CYSTM1: variants seen among roughly 807,000 people sequenced by gnomAD.
CYSTM1 encodes the protein cysteine rich transmembrane module containing 1, also known as cysteine-rich transmembrane module-containing protein 1.
CYSTM1 carries 4 observed loss-of-function variants against 13.1 expected under a neutral mutation model. The ratio of observed to expected loss-of-function variants is 0.31; its 90% CI spans 0.15 to 0.70. The LOEUF is 0.70. CYSTM1 is among the 30% of genes least tolerant of loss of function. The pLI is 0.72. For missense variants in CYSTM1, 96 were observed against 121.6 expected (o/e 0.79, Z 0.99); for synonymous variants, 36 against 42.7 (o/e 0.84, Z 0.62).
intron 2 of CYSTM1, among the ~76,000 whole-genome samples, chr5:140,222,198 G>GGGAATAC (rs1764499733): frequency 6.6e-6 from 1 of 152,224 alleles, no homozygotes; most frequent in Non-Finnish European, 1.5e-5. Flanking sequence ...TCCCCTCATG[G>GGGAATAC]CAGCTTTGTG....
chr5:140,187,483 G>A (rs1002104904), intron 1 of CYSTM1, among the ~76,000 whole-genome samples: 2 of 152,002 alleles, frequency 1.3e-5, no homozygotes, highest in African/African-American at 4.8e-5. Context: ...TCCCACCTCA[G>A]TCTCCCCCAG....
chr5:140,227,117 A>C (rs1050285724), intron 2 of CYSTM1, among the ~76,000 whole-genome samples: 3 of 152,208 alleles, frequency 2.0e-5, no homozygotes, highest in Admixed American at 2.0e-4. Context: ...AAGGCTGTGC[A>C]TAGGCAGAGA....
intron 2 of CYSTM1, among the ~76,000 whole-genome samples, chr5:140,223,699 CTTT>C (rs201410083): frequency 0.011 from 1,744 of 152,360 alleles, 45 homozygotes; most frequent in African/African-American, 0.039. Context: ...AGTAACCCAG[CTTT>C]CAGCTGGGTC....
chr5:140,178,158 G>T (rs975212918), intron 1 of CYSTM1, among the ~76,000 whole-genome samples: 1 of 152,282 alleles, frequency 6.6e-6, no homozygotes, highest in East Asian at 1.9e-4. Flanking sequence ...GAAAGGCAGG[G>T]CTGGGGTATG....
chr5:140,239,445 C>T lies in CYSTM1; in HGVS notation c.188-3860C>T, dbSNP rs1764722086. On this transcript the variant is annotated intron_variant, in intron 2 of 2. Transcript: ENST00000261811. The surrounding 1 kb of genome is among the most constrained non-coding windows in gnomAD (Gnocchi z 5.4). ...ACTACTGGTTGGTGTGTCTGGTGGCCAAAGTGGCAGTGGGCACTGGTGGCC... is the reference window on the plus strand; with the variant it reads ...ACTACTGGTTGGTGTGTCTGGTGGCTAAAGTGGCAGTGGGCACTGGTGGCC... Among the ~76,000 whole-genome samples the T allele has an allele frequency of 6.6e-6, 1 of 152,156 alleles. No individual in the cohort carries two copies. Among genetic ancestry groups the T allele is most frequent in the African/African-American group, 2.4e-5 (1 of 41,432 alleles).
At chr5:140,194,043 G>A (rs1764123360) in intron 1 of CYSTM1, among the ~76,000 whole-genome samples, 1 of 152,204 alleles carries the variant, frequency 6.6e-6, no homozygotes, top group Non-Finnish European at 1.5e-5. Context: ...TCATAGTGCT[G>A]TTAGAACACT....
intron 1 of CYSTM1, among the ~76,000 whole-genome samples, chr5:140,182,816 G>T (rs2126652891): frequency 6.6e-6 from 1 of 152,194 alleles, no homozygotes; most frequent in South Asian, 2.1e-4. Flanking sequence ...AAGGGGGAGG[G>T]TGAGCTGCCC....
At chr5:140,185,855 C>T (rs895689133) in intron 1 of CYSTM1, among the ~76,000 whole-genome samples, 2 of 152,198 alleles carry the variant, frequency 1.3e-5, no homozygotes, top group Non-Finnish European at 2.9e-5. Context: ...CTTACCTCTG[C>T]TCACTGTACA....
At position 140,185,660 on chromosome 5, in the gene CYSTM1, G is replaced by T. The variant is rs141931725; in HGVS notation, c.-20-8786G>T. Among the ~76,000 whole-genome samples the T allele has an allele frequency of 9.2e-3, 1,409 of 152,334 alleles. 25 individuals are homozygous for T. The highest frequency in any genetic ancestry group is 0.033 in the African/African-American group (1,353 of 41,554). On this transcript the variant is annotated intron_variant, in intron 1 of 2. Transcript: ENST00000261811. Reference sequence around the variant, plus strand: ...TGACTATCAGAGGTCTCCTGGTGTTGCACTGTTACTGGGAGCACTGCTACC... The same window carrying T: ...TGACTATCAGAGGTCTCCTGGTGTTTCACTGTTACTGGGAGCACTGCTACC...
At chr5:140,209,932 G>A (rs1764343277) in intron 2 of CYSTM1, among the ~76,000 whole-genome samples, 1 of 152,118 alleles carries the variant, frequency 6.6e-6, no homozygotes, top group Admixed American at 6.5e-5. Context: ...TTATGTAGCA[G>A]GGGGTTGGAG....
Position 140,182,145 on chromosome 5 carries a change from T to G in CYSTM1, c.-21+6860T>G, listed in dbSNP as rs375583970. On this transcript the variant is annotated intron_variant, in intron 1 of 2. Coordinates refer to ENST00000261811, the MANE Select transcript of CYSTM1 (RefSeq NM_032412.4). Reference sequence around the variant, plus strand: ...TTAAACTGATAACTACTACATCACCTGTCACAAATAGAAGGTATAAATTAT... The same window carrying G: ...TTAAACTGATAACTACTACATCACCGGTCACAAATAGAAGGTATAAATTAT... 7.9e-4 allele frequency among the ~76,000 whole-genome samples: 121 copies of G among 152,350 alleles called. No individual in the cohort carries two copies. The South Asian group carries it at 0.02, about 25-fold the overall frequency.
rs750955813 is a variant in CYSTM1 at position 140,175,874 on chromosome 5, G to A, written c.-21+589G>A. Among the ~76,000 whole-genome samples the A allele has an allele frequency of 5.2e-4, 79 of 152,298 alleles. No individual in the cohort carries two copies. Among genetic ancestry groups the A allele is most frequent in the Non-Finnish European group, 2.1e-4 (14 of 68,012 alleles). On this transcript the variant is annotated intron_variant, in intron 1 of 2. Coordinates refer to ENST00000261811, the MANE Select transcript of CYSTM1 (RefSeq NM_032412.4). This position sits in a 1 kb window ranked among gnomAD's most constrained non-coding sequence, Gnocchi z 4.9. ...AATCCCGGCTGCTGTTGAGAGCCGTGGATTGGGATCTGAGCGGACCTGTTG... is the reference window on the plus strand; with the variant it reads ...AATCCCGGCTGCTGTTGAGAGCCGTAGATTGGGATCTGAGCGGACCTGTTG...
intron 2 of CYSTM1, among the ~76,000 whole-genome samples, chr5:140,213,043 A>AT (rs796704010): frequency 0.011 from 1,461 of 130,544 alleles, 13 homozygotes; most frequent in Non-Finnish European, 0.018. Context: ...GAGAACTCCT[A>AT]TTTTTTTTTT....
At chr5:140,235,468 C>T (rs918473724) in intron 2 of CYSTM1, among the ~76,000 whole-genome samples, 6 of 148,896 alleles carry the variant, frequency 4.0e-5, no homozygotes, top group Non-Finnish European at 7.4e-5. Context: ...TGCAGTGGTG[C>T]GATCTTGGCT....
intron 2 of CYSTM1, among the ~76,000 whole-genome samples, chr5:140,216,887 G>C (rs184651103): frequency 3.6e-4 from 55 of 150,796 alleles, no homozygotes; most frequent in African/African-American, 1.3e-3. Flanking sequence ...CTCCCTCTAT[G>C]ACACACACAC....
chr5:140,188,314 C>T (rs1764046840), intron 1 of CYSTM1, among the ~76,000 whole-genome samples: 1 of 152,028 alleles, frequency 6.6e-6, no homozygotes, highest in Non-Finnish European at 1.5e-5. Context: ...TCTTGAACTC[C>T]TGGCCTCAAG....
intron 2 of CYSTM1, among the ~76,000 whole-genome samples, chr5:140,216,669 A>C (rs543108104): frequency 6.6e-6 from 1 of 152,202 alleles, no homozygotes; most frequent in Non-Finnish European, 1.5e-5. Flanking sequence ...CCTGTATGCT[A>C]TCAGGGCTGC....
chr5:140,192,094 T>C (rs369842359), intron 1 of CYSTM1, among the ~76,000 whole-genome samples: 1 of 152,230 alleles, frequency 6.6e-6, no homozygotes, highest in Admixed American at 6.5e-5. Context: ...TGGGAGGCAA[T>C]ACAGATGTGG....
intron 2 of CYSTM1, among the ~76,000 whole-genome samples, chr5:140,206,916 G>A (rs2436390): frequency 0.5 from 75,780 of 151,978 alleles, 19,165 homozygotes; most frequent in East Asian, 0.55. Context: ...GATTACAGGC[G>A]TGTGCCACCA....
Sources: gnomAD v4.1 joint callset for allele counts (sites outside exome capture counted in the v4.1 genomes callset) on GRCh38, gnomAD v4.1.1 for gene constraint, Gnocchi (gnomAD v3.1) non-coding constraint, MANE v1.5 for transcripts, NCBI Gene and HGNC (gene_info 2026-07-23, HGNC 2026-07-21) for gene names.